PAM: variants seen among roughly 807,000 people sequenced by gnomAD.
PAM encodes peptidyl-glycine alpha-amidating monooxygenase.
Under a neutral mutation model 122.1 loss-of-function variants are expected in PAM, and 72 were observed. The ratio of observed to expected loss-of-function variants is 0.59; its 90% CI spans 0.49 to 0.72. PAM has a LOEUF of 0.72. Ranked by LOEUF, PAM falls within the 30% of genes least tolerant of loss-of-function variation. The probability of loss-of-function intolerance (pLI) is 0.00; values close to 1 mark genes in which losing one functional copy is unlikely to be tolerated. For missense variants in PAM, 1,106 were observed against 1,183.7 expected, an observed-to-expected ratio of 0.93 and a Z score of 0.96; for synonymous variants, 389 against 404.4, an observed-to-expected ratio of 0.96 and a Z score of 0.46.
At chr5:103,022,018 G>A (rs1582998735) in intron 23 of PAM, among the ~76,000 whole-genome samples, 1 of 151,914 alleles carries the variant, frequency 6.6e-6, no homozygotes. Flanking sequence ...AAAAACTGAT[G>A]AAAAGGATTA....
intron 12 of PAM, 125 bp downstream of exon 12, chr5:102,950,945 T>C: frequency 1.6e-6 from 1 of 608,860 alleles, no homozygotes; most frequent in Non-Finnish European, 2.9e-6. Flanking sequence ...TACAACAAAC[T>C]GTGGCATTTT....
chr5:103,012,651 G>A (rs1372298797), intron 21 of PAM, among the ~76,000 whole-genome samples: 1 of 152,010 alleles, frequency 6.6e-6, no homozygotes, highest in Non-Finnish European at 1.5e-5. Flanking sequence ...TCAGGAGATC[G>A]AGACCATCCT....
chr5:102,899,425 A>G (rs547362813), intron 3 of PAM, among the ~76,000 whole-genome samples: 21 of 151,756 alleles, frequency 1.4e-4, no homozygotes, highest in African/African-American at 4.6e-4. Flanking sequence ...AAACAATGAG[A>G]TAACTTATAA....
Position 102,959,877 on chromosome 5 carries a change from G to T in PAM, c.908G>T (p.Gly303Val). 2 of 1,606,136 alleles carry T rather than the reference G, an allele frequency of 1.2e-6. No homozygotes were observed. Among genetic ancestry groups the T allele is most frequent in the Admixed American group, 1.7e-5 (1 of 59,536 alleles). The change falls in exon 13 of 26, where the codon GGC becomes GTC. Residue 303 changes from glycine to valine, a missense_variant and splice_region_variant. Gly to Val is a moderately radical substitution (Grantham distance 109). Coordinates refer to ENST00000438793, the MANE Select transcript of PAM (RefSeq NM_001177306.2). The stretch of plus-strand genomic sequence containing the variant: ...TTATATCTTTTTTTTGCCTGCAGTG[G>T]CACGTCTAGTGATGAAATGTGCAAC... ...EGRTEATHIGGTSSDEMCNLY... is the reference protein window; with the variant it reads ...EGRTEATHIGVTSSDEMCNLY...
At chr5:102,836,044 T>C (rs546525139) in intron 1 of PAM, among the ~76,000 whole-genome samples, 55 of 152,154 alleles carry the variant, frequency 3.6e-4, no homozygotes, top group Non-Finnish European at 4.0e-4. Flanking sequence ...GTCTGGGAGA[T>C]TGAATTTTTG....
intron 4 of PAM, among the ~76,000 whole-genome samples, chr5:102,903,849 C>T (rs1446642045): frequency 6.6e-6 from 1 of 151,510 alleles, no homozygotes; most frequent in Non-Finnish European, 1.5e-5. Flanking sequence ...AGAGCAGCAC[C>T]GTTCTTTCTT....
At chr5:102,816,350 A>G (rs1233516480) in intron 1 of PAM, among the ~76,000 whole-genome samples, 2 of 152,160 alleles carry the variant, frequency 1.3e-5, no homozygotes, top group African/African-American at 2.4e-5. Context: ...AACTTACATT[A>G]TAGGAGGAGA....
intron 4 of PAM, among the ~76,000 whole-genome samples, chr5:102,907,418 GCCGCAATAAACA>G (rs1799905990): frequency 6.6e-6 from 1 of 151,388 alleles, no homozygotes; most frequent in Non-Finnish European, 1.5e-5. Flanking sequence ...TGTGAATAGT[GCCGCAATAAACA>G]TACGTGTGCT....
chr5:102,951,840 G>T (rs1175613085), intron 12 of PAM, among the ~76,000 whole-genome samples: 1 of 151,898 alleles, frequency 6.6e-6, no homozygotes, highest in Non-Finnish European at 1.5e-5. Context: ...CTTTGCTTTT[G>T]GATAAATTTG....
chr5:102,882,591 T>C (rs1791652526), intron 3 of PAM, among the ~76,000 whole-genome samples: 1 of 152,114 alleles, frequency 6.6e-6, no homozygotes, highest in African/African-American at 2.4e-5. Context: ...TCTGATTTGT[T>C]TGAGTTCCTT....
chr5:102,803,203 AAGGAAAGAAG>A (rs1372035094), intron 1 of PAM, among the ~76,000 whole-genome samples: 2 of 121,492 alleles, frequency 1.6e-5, no homozygotes, highest in African/African-American at 2.9e-5. Flanking sequence ...GGAAGGAAGG[AAGGAAAGAAG>A]GAAGGAAGGA....
chr5:102,849,689 G>C (rs1182927406), intron 1 of PAM, among the ~76,000 whole-genome samples: 3 of 152,114 alleles, frequency 2.0e-5, no homozygotes, highest in Non-Finnish European at 4.4e-5. Context: ...CAAAAATTGT[G>C]ATATGAATCT....
intron 1 of PAM, among the ~76,000 whole-genome samples, chr5:102,832,935 T>A (rs1452413124): frequency 1.3e-5 from 2 of 152,186 alleles, no homozygotes; most frequent in African/African-American, 2.4e-5. Context: ...AAATCAAGAC[T>A]GTTTGACTTC....
At position 103,002,558 on chromosome 5, in the gene PAM, C is replaced by T. The variant is rs76818749; in HGVS notation, c.1614-475C>T. On this transcript the variant is annotated intron_variant, in intron 16 of 25. Coordinates refer to ENST00000438793, the MANE Select transcript of PAM (RefSeq NM_001177306.2). ...GCATGTTGTACCTAAAGTATAATAA[C>T]GAACATTTTGATCACTGCTCTTCCA... 4.1e-3 allele frequency among the ~76,000 whole-genome samples: 627 copies of T among 152,088 alleles called. 2 individuals are homozygous for T. Among genetic ancestry groups the T allele is most frequent in the African/African-American group, 9.0e-3 (372 of 41,502 alleles).
intron 3 of PAM, among the ~76,000 whole-genome samples, chr5:102,869,413 A>G (rs1786654982): frequency 6.6e-6 from 1 of 152,296 alleles, no homozygotes; most frequent in Middle Eastern, 3.4e-3. Context: ...TGACGTCACT[A>G]CTTATGCAGT....
intron 11 of PAM, 56 bp downstream of exon 11, chr5:102,950,034 A>C: frequency 1.1e-6 from 1 of 898,618 alleles, no homozygotes; most frequent in African/African-American, 1.7e-5. Flanking sequence ...GCAGAAAGTA[A>C]TTTTTAAAAA....
At chr5:102,867,161 T>C (rs376710726) in intron 2 of PAM, 112 bp from the exon 3 acceptor site, 25 of 666,624 alleles carry the variant, frequency 3.8e-5, no homozygotes, top group African/African-American at 3.6e-4. Context: ...AGAGTTTTCA[T>C]TGGGTTTAAA....
chr5:102,783,340 A>G lies in PAM; in HGVS notation c.-374+27992A>G, dbSNP rs543638371. Among the ~76,000 whole-genome samples the G allele has an allele frequency of 7.9e-5, 12 of 152,304 alleles. No individual in the cohort carries two copies. In the South Asian group the frequency reaches 1.2e-3, roughly 16 times the overall value. On this transcript the variant is annotated intron_variant, in intron 1 of 25. Transcript: ENST00000438793. Reference sequence around the variant, plus strand: ...TGGGACAAATATGATTCAGTTTTCTATCACCATAAATTAGTTTAAATGACC... The same window carrying G: ...TGGGACAAATATGATTCAGTTTTCTGTCACCATAAATTAGTTTAAATGACC...
intron 1 of PAM, among the ~76,000 whole-genome samples, chr5:102,844,215 A>G (rs1561606839): frequency 1.3e-5 from 2 of 152,216 alleles, no homozygotes; most frequent in African/African-American, 4.8e-5. Context: ...ATTACGCACT[A>G]TATGATTCTG....
Sources: gnomAD v4.1 joint callset for allele counts (sites outside exome capture counted in the v4.1 genomes callset) on GRCh38, gnomAD v4.1.1 for gene constraint, MANE v1.5 for transcripts, NCBI Gene and HGNC (gene_info 2026-07-23, HGNC 2026-07-21) for gene names.